The following TSPEAR variants were observed in gnomAD, a reference collection of about 807,000 sequenced individuals.
The protein encoded by TSPEAR is thrombospondin-type laminin G domain and EAR repeat-containing protein.
A neutral mutation model predicts 71.6 loss-of-function variants in TSPEAR; 69 were observed. The observed-to-expected ratio is 0.96, with a 90% CI of 0.79 to 1.18. TSPEAR has a LOEUF of 1.18. Ranked by LOEUF, TSPEAR falls within the 50% of genes most tolerant of loss-of-function variation. The pLI, the probability that TSPEAR is intolerant of heterozygous loss-of-function variation, is 0.00. For missense variants in TSPEAR, 971 were observed against 894.9 expected, an observed-to-expected ratio of 1.09 and a Z score of -1.09; for synonymous variants, 402 against 387.2, an observed-to-expected ratio of 1.04 and a Z score of -0.45.
At chr21:44,514,989 T>C (rs1342486315) in intron 9 of TSPEAR, among the ~76,000 whole-genome samples, 1 of 152,084 alleles carries the variant, frequency 6.6e-6, no homozygotes, top group Non-Finnish European at 1.5e-5. Flanking sequence ...TGGGAGAAAG[T>C]GAGGTCTGTG....
intron 1 of TSPEAR, among the ~76,000 whole-genome samples, chr21:44,639,946 G>A (rs1159177849): frequency 6.6e-6 from 1 of 152,208 alleles, no homozygotes; most frequent in Non-Finnish European, 1.5e-5. Context: ...CCTCATCAGA[G>A]CTTCAACCCC....
At chr21:44,603,065 CAG>C (rs34846887) in intron 1 of TSPEAR, among the ~76,000 whole-genome samples, 126,044 of 151,788 alleles carry the variant, frequency 0.83, 54,109 homozygotes, top group Non-Finnish European at 0.94. Flanking sequence ...GGGGTGGAGA[CAG>C]AGAAGGAGGC....
chr21:44,580,368 G>A (rs782565839), intron 1 of TSPEAR: 1 of 1,613,614 alleles, frequency 6.2e-7, no homozygotes, highest in Non-Finnish European at 8.5e-7. Context: ...CAGCACGAGG[G>A]CGTGCAGGAG....
At chr21:44,703,738 T>C (rs1987770805) in intron 1 of TSPEAR, among the ~76,000 whole-genome samples, 1 of 152,112 alleles carries the variant, frequency 6.6e-6, no homozygotes, top group African/African-American at 2.4e-5. Context: ...TCCCACACAA[T>C]GGGATCTGGG....
chr21:44,637,803 A>C (rs4818949), intron 1 of TSPEAR: 414,353 of 1,609,456 alleles, frequency 0.26, 55,954 homozygotes, highest in African/African-American at 0.44. Flanking sequence ...TGCTGCCAGC[A>C]GTCTAGCTGC....
At chr21:44,602,545 G>A (rs1569214105) in intron 1 of TSPEAR, among the ~76,000 whole-genome samples, 1 of 152,244 alleles carries the variant, frequency 6.6e-6, no homozygotes, top group Non-Finnish European at 1.5e-5. Context: ...TGGCGTCTGG[G>A]AACTGGGATT....
chr21:44,633,286 C>T (rs1983360244), intron 1 of TSPEAR, among the ~76,000 whole-genome samples: 1 of 152,032 alleles, frequency 6.6e-6, no homozygotes, highest in Admixed American at 6.6e-5. Context: ...TTAGTTTGCT[C>T]TTCCTTTTCC....
At chr21:44,505,023 T>C in intron 10 of TSPEAR, 142 bp from the exon 11 acceptor site, 1 of 630,338 alleles carries the variant, frequency 1.6e-6, no homozygotes, top group Non-Finnish European at 2.8e-6. Context: ...CACATATGTG[T>C]TGGTCTATTC....
intron 1 of TSPEAR, chr21:44,638,018 A>G (rs1555937512): frequency 3.7e-6 from 6 of 1,610,430 alleles, no homozygotes; most frequent in Admixed American, 3.3e-5. Context: ...GTGCAAGTCC[A>G]CCTGCTGCGT....
At chr21:44,627,870 C>A in intron 1 of TSPEAR, 1 of 1,613,738 alleles carries the variant, frequency 6.2e-7, no homozygotes, top group Non-Finnish European at 8.5e-7. Flanking sequence ...CTGTGTCCCT[C>A]CTCTGCCGCC....
chr21:44,533,690 C>T lies in TSPEAR; in HGVS notation c.537G>A (p.Val179=), dbSNP rs782559783. 5.6e-6 allele frequency: 9 copies of T among 1,606,666 alleles called. No homozygotes were observed. In the East Asian group the frequency reaches 8.9e-5, roughly 16 times the overall value. The change falls in exon 3 of 12, where the codon GTG becomes GTA. Residue 179 remains valine (V), a synonymous_variant. Transcript: ENST00000323084. Reference sequence around the variant, plus strand: ...CTCCCCGGGTGGGTACCTACATGTCCACCGGGAGGCCGCAGTCCGTGGTGA... The same window carrying T: ...CTCCCCGGGTGGGTACCTACATGTCTACCGGGAGGCCGCAGTCCGTGGTGA... ...FSLTTDCGLP[V]DIMADVPFPA...
intron 1 of TSPEAR, among the ~76,000 whole-genome samples, chr21:44,707,698 G>T (rs1988006631): frequency 1.3e-5 from 2 of 152,202 alleles, no homozygotes; most frequent in Admixed American, 1.3e-4. Context: ...CTGGCTCGGA[G>T]CAGGGAATGA....
At chr21:44,666,647 G>A in intron 1 of TSPEAR, 1 of 1,613,380 alleles carries the variant, frequency 6.2e-7, no homozygotes. Flanking sequence ...CAGAAGACTG[G>A]CAGCTCACGG....
intron 1 of TSPEAR, chr21:44,575,135 C>A: frequency 1.0e-6 from 1 of 995,898 alleles, no homozygotes; most frequent in Non-Finnish European, 1.5e-6. Flanking sequence ...TGCTGTTGAG[C>A]TGGACAATGG....
Position 44,707,555 on chromosome 21 carries a change from C to T in TSPEAR, c.82+3878G>A, listed in dbSNP as rs185517121. ...GAGTGTGTGGGGCTCAGCCCTAAAG[C>T]TAAACATTCTTTATTTCCTGATGAC... On this transcript the variant is annotated intron_variant, in intron 1 of 11. Transcript: ENST00000323084. Among the ~76,000 whole-genome samples the T allele has an allele frequency of 3.8e-4, 58 of 152,094 alleles. No homozygotes were observed. The East Asian group carries it at 9.5e-3, about 25-fold the overall frequency.
intron 1 of TSPEAR, chr21:44,686,526 C>G (rs1462603987): frequency 6.5e-6 from 1 of 153,480 alleles, no homozygotes; most frequent in Non-Finnish European, 1.5e-5. Flanking sequence ...TGGCCTGCCG[C>G]ATGCTCAGGT....
intron 2 of TSPEAR, among the ~76,000 whole-genome samples, chr21:44,553,551 CAG>C (rs1277079233): frequency 1.3e-5 from 2 of 151,704 alleles, no homozygotes; most frequent in African/African-American, 2.4e-5. Context: ...AGATAACAAA[CAG>C]AGTGTATATT....
At chr21:44,637,862 CCTGTCTGCTCTAAGT>C in intron 1 of TSPEAR, 3 of 1,531,970 alleles carry the variant, frequency 2.0e-6, no homozygotes, top group East Asian at 2.4e-5. Flanking sequence ...CTGCTGTGTG[CCTGTCTGCTCTAAGT>C]CCGTCTGCTA....
intron 1 of TSPEAR, among the ~76,000 whole-genome samples, chr21:44,701,247 TTC>T (rs1302686071): frequency 2.3e-4 from 35 of 152,176 alleles, no homozygotes; most frequent in African/African-American, 8.0e-4. Flanking sequence ...CACGGACTGT[TTC>T]TCTCTGCGGG....
Sources: gnomAD v4.1 joint callset for allele counts (sites outside exome capture counted in the v4.1 genomes callset) on GRCh38, gnomAD v4.1.1 for gene constraint, MANE v1.5 for transcripts, NCBI Gene and HGNC (gene_info 2026-07-23, HGNC 2026-07-21) for gene names.